REEP5: variants seen among roughly 807,000 people sequenced by gnomAD.
The protein encoded by REEP5 is receptor accessory protein 5.
Under a neutral mutation model 22.4 loss-of-function variants are expected in REEP5, and 24 were observed. The observed-to-expected ratio is 1.07, with a 90% confidence interval of 0.78 to 1.51. REEP5 has a LOEUF of 1.51. Ranked by LOEUF, REEP5 falls within the 40% of genes most tolerant of loss-of-function variation. The pLI is 0.00. For missense variants in REEP5, 252 were observed against 233.0 expected (o/e 1.08, Z -0.53); for synonymous variants, 103 against 88.6 (o/e 1.16, Z -0.92).
chr5:112,918,246 C>G (rs987936402), intron 2 of REEP5, among the ~76,000 whole-genome samples: 1 of 152,130 alleles, frequency 6.6e-6, no homozygotes, highest in African/African-American at 2.4e-5. Flanking sequence ...ACGGAAAGAA[C>G]AACCAGTAGG....
At chr5:112,900,729 T>A (rs1768820588) in intron 3 of REEP5, among the ~76,000 whole-genome samples, 1 of 152,068 alleles carries the variant, frequency 6.6e-6, no homozygotes, top group Non-Finnish European at 1.5e-5. Flanking sequence ...AACTTACTAG[T>A]ACTAGCATGG....
intron 2 of REEP5, among the ~76,000 whole-genome samples, chr5:112,907,621 T>C (rs1463662455): frequency 6.6e-6 from 1 of 152,130 alleles, no homozygotes; most frequent in Non-Finnish European, 1.5e-5. Flanking sequence ...ATGTGTGGAG[T>C]TGGAAGACAT....
At chr5:112,916,561 A>G (rs149191) in intron 2 of REEP5, among the ~76,000 whole-genome samples, 87,593 of 152,142 alleles carry the variant, frequency 0.58, 27,904 homozygotes, top group African/African-American at 0.87. Context: ...ATTTGGGATG[A>G]CAGTACCTTA....
At chr5:112,904,544 AAC>A (rs1159834721) in intron 2 of REEP5, among the ~76,000 whole-genome samples, 29 of 152,352 alleles carry the variant, frequency 1.9e-4, no homozygotes, top group Non-Finnish European at 2.9e-4. Context: ...CTGGGAATTA[AAC>A]AGTCTTTTCT....
chr5:112,912,921 C>T (rs748643721), intron 2 of REEP5, among the ~76,000 whole-genome samples: 3 of 152,138 alleles, frequency 2.0e-5, no homozygotes, highest in South Asian at 2.1e-4. Context: ...GGAAACTATG[C>T]GTGATCAGAA....
Position 112,892,886 on chromosome 5 carries a change from C to T in REEP5, c.352-5703G>A, listed in dbSNP as rs188325118. The T allele has an allele frequency of 2.4e-5, 39 of 1,612,182 alleles. No homozygotes were observed. The East Asian group carries it at 8.0e-4, about 33-fold the overall frequency. ...AGGGGGAAGAAATCTCACAAACGCA[C>T]ATCAAAGAGTCGGGAGAGGCACAAT... On this transcript the variant is annotated intron_variant, in intron 3 of 4. Coordinates refer to ENST00000379638, the MANE Select transcript of REEP5 (RefSeq NM_005669.5).
chr5:112,879,181 C>G (rs1767988158), intron 4 of REEP5, among the ~76,000 whole-genome samples: 1 of 152,094 alleles, frequency 6.6e-6, no homozygotes, highest in Admixed American at 6.5e-5. Flanking sequence ...CTATTTGTAT[C>G]TGTGTGCTTG....
intron 3 of REEP5, among the ~76,000 whole-genome samples, chr5:112,891,451 G>A (rs1395527976): frequency 6.6e-6 from 1 of 152,116 alleles, no homozygotes; most frequent in Admixed American, 6.6e-5. Flanking sequence ...TACAAAAAAA[G>A]TCTAACTGCA....
intron 4 of REEP5, among the ~76,000 whole-genome samples, chr5:112,884,923 T>C (rs1768195540): frequency 6.6e-6 from 1 of 152,172 alleles, no homozygotes; most frequent in Admixed American, 6.5e-5. Flanking sequence ...GGTATGCTGG[T>C]TCACTGCCAG....
At chr5:112,907,639 A>G (rs1236183513) in intron 2 of REEP5, among the ~76,000 whole-genome samples, 2 of 152,256 alleles carry the variant, frequency 1.3e-5, no homozygotes, top group African/African-American at 4.8e-5. Flanking sequence ...CATCTCAGAG[A>G]TGAACTAGTT....
intron 3 of REEP5, among the ~76,000 whole-genome samples, chr5:112,887,957 A>G (rs992532829): frequency 3.3e-5 from 5 of 152,250 alleles, no homozygotes; most frequent in African/African-American, 1.2e-4. Context: ...GCAGAAGGAA[A>G]AGGAATATTC....
intron 3 of REEP5, chr5:112,894,124 GT>G (rs199564515): frequency 0.44 from 62,095 of 141,782 alleles, 14,134 homozygotes; most frequent in African/African-American, 0.65. Context: ...GGTTTTTTTT[GT>G]TTTTTTTTTT....
chr5:112,892,112 G>A (rs781580621), intron 3 of REEP5: 43 of 1,613,968 alleles, frequency 2.7e-5, no homozygotes, highest in Non-Finnish European at 3.4e-5. Flanking sequence ...AGTACCACAT[G>A]GCAAAACCCA....
chr5:112,904,494 C>T (rs976975018), intron 2 of REEP5, among the ~76,000 whole-genome samples: 2 of 152,312 alleles, frequency 1.3e-5, no homozygotes, highest in African/African-American at 2.4e-5. Flanking sequence ...CAATAGCTCA[C>T]AACTATGTAC....
intron 4 of REEP5, 48 bp from the exon 5 acceptor site, chr5:112,878,883 T>C: frequency 5.6e-6 from 9 of 1,613,572 alleles, no homozygotes; most frequent in East Asian, 4.5e-5. Flanking sequence ...AGCTCTTTCT[T>C]TGGAATGCAA....
At position 112,922,193 on chromosome 5, in the gene REEP5, CG is replaced by C. The variant is rs1385858411; in HGVS notation, c.-4del. On this transcript the variant is annotated 5_prime_UTR_variant, in exon 1 of 5. Coordinates refer to ENST00000379638, the MANE Select transcript of REEP5 (RefSeq NM_005669.5). ...CTCTCCCTCATGGCCGCAGACATGG[CG>C]GGGACCGTCTCGCCGCTCGGGGCTG... 13 of 1,602,614 alleles carry C rather than the reference CG, an allele frequency of 8.1e-6. No individual in the cohort carries two copies. Among genetic ancestry groups the C allele is most frequent in the Non-Finnish European group, 1.1e-5 (13 of 1,174,712 alleles).
At chr5:112,919,766 A>T (rs888861957) in intron 2 of REEP5, among the ~76,000 whole-genome samples, 2 of 152,070 alleles carry the variant, frequency 1.3e-5, no homozygotes, top group Non-Finnish European at 2.9e-5. Context: ...AGCCTCCAGA[A>T]CTGTGAGCAA....
chr5:112,892,192 G>A, intron 3 of REEP5: 1 of 1,614,198 alleles, frequency 6.2e-7, no homozygotes, highest in South Asian at 1.1e-5. Flanking sequence ...TAAAACAGGA[G>A]CTTGCAGATT....
At chr5:112,905,975 T>A (rs1356255858) in intron 2 of REEP5, among the ~76,000 whole-genome samples, 1 of 152,176 alleles carries the variant, frequency 6.6e-6, no homozygotes, top group African/African-American at 2.4e-5. Context: ...TAGATAAAAG[T>A]GATTCTCCAA....
Sources: gnomAD v4.1 joint callset for allele counts (sites outside exome capture counted in the v4.1 genomes callset) on GRCh38, gnomAD v4.1.1 for gene constraint, MANE v1.5 for transcripts, NCBI Gene and HGNC (gene_info 2026-07-23, HGNC 2026-07-21) for gene names.